The following CYRIA variants were observed in gnomAD, a reference collection of about 807,000 sequenced individuals.
CYRIA encodes CYFIP-related Rac1 interactor A.
In CYRIA, 15 loss-of-function variants were observed where a neutral mutation model predicts 43.9. The ratio of observed to expected loss-of-function variants is 0.34; its 90% CI spans 0.23 to 0.53. CYRIA has a LOEUF of 0.53. Ranked by LOEUF, CYRIA falls within the 20% of genes least tolerant of loss-of-function variation. The pLI, the probability that CYRIA is intolerant of heterozygous loss-of-function variation, is 0.94. For missense variants in CYRIA, 236 were observed against 394.2 expected (o/e 0.60, Z 3.40); for synonymous variants, 117 against 136.0 (o/e 0.86, Z 0.97).
chr2:16,629,296 T>C (rs4832472), intron 1 of CYRIA, among the ~76,000 whole-genome samples: 106,877 of 152,092 alleles, frequency 0.7, 39,069 homozygotes, highest in African/African-American at 0.9. Context: ...TCCTCCCTTT[T>C]CCCCTGACTG....
At chr2:16,632,488 C>T (rs1365413116) in intron 1 of CYRIA, among the ~76,000 whole-genome samples, 1 of 152,132 alleles carries the variant, frequency 6.6e-6, no homozygotes, top group Non-Finnish European at 1.5e-5. Context: ...CTCATGTGAG[C>T]CTCAGAGGCA....
At chr2:16,664,762 A>G (rs1670346208) in intron 1 of CYRIA, among the ~76,000 whole-genome samples, 3 of 152,324 alleles carry the variant, frequency 2.0e-5, no homozygotes, top group Admixed American at 2.0e-4. Flanking sequence ...AGTTTCTAAC[A>G]GGGAGAAAAG....
At chr2:16,623,116 A>G (rs1305490219) in intron 2 of CYRIA, 1 of 152,198 alleles carries the variant, frequency 6.6e-6, no homozygotes, top group Non-Finnish European at 1.5e-5. Flanking sequence ...ATGACTCCTG[A>G]CCATGATTCC....
intron 2 of CYRIA, among the ~76,000 whole-genome samples, chr2:16,593,688 G>T (rs11680283): frequency 0.16 from 18,436 of 116,680 alleles, 1,533 homozygotes; most frequent in African/African-American, 0.23. Flanking sequence ...TTATTTTTTT[G>T]TGTGTGTGTG....
intron 2 of CYRIA, among the ~76,000 whole-genome samples, chr2:16,605,840 G>C (rs1461459881): frequency 1.3e-5 from 2 of 152,152 alleles, no homozygotes; most frequent in Non-Finnish European, 2.9e-5. Context: ...TCTGAGAGCA[G>C]AGCTGTAGGT....
At chr2:16,607,422 C>G (rs1668446707) in intron 2 of CYRIA, among the ~76,000 whole-genome samples, 1 of 152,150 alleles carries the variant, frequency 6.6e-6, no homozygotes, top group South Asian at 2.1e-4. Context: ...GCCTGCTAAG[C>G]TGGCTGTCAA....
chr2:16,552,937 T>C lies in CYRIA; in HGVS notation c.971A>G (p.Ter324TrpextTer11). ...AGATCCTCTTCTTTGAGCAGAGCTC[T>C]ACTGAAGCATTGCTCGAATCTGTTT... ...TSKQIRAMLQ[*>W] Residue 324 changes from the stop codon to tryptophan, a stop_lost, in exon 12 of 12, where the codon TAG (stop) becomes TGG (tryptophan). Coordinates refer to ENST00000381323, the MANE Select transcript of CYRIA (RefSeq NM_030797.4). 1.3e-6 allele frequency: 2 copies of C among 1,593,630 alleles called. No individual in the cohort carries two copies. Among genetic ancestry groups the C allele is most frequent in the African/African-American group, 1.3e-5 (1 of 74,612 alleles).
chr2:16,572,445 A>G (rs1039910570), intron 3 of CYRIA, among the ~76,000 whole-genome samples: 2 of 152,128 alleles, frequency 1.3e-5, no homozygotes, highest in Non-Finnish European at 2.9e-5. Context: ...AGACAAAAAG[A>G]CATCTGATAC....
intron 2 of CYRIA, among the ~76,000 whole-genome samples, chr2:16,619,984 A>C (rs2103504960): frequency 6.6e-6 from 1 of 152,272 alleles, no homozygotes; most frequent in African/African-American, 2.4e-5. Flanking sequence ...CTCTGCATCC[A>C]CATCACTTTG....
At chr2:16,570,263 A>C (rs568700347) in intron 3 of CYRIA, among the ~76,000 whole-genome samples, 240 of 152,156 alleles carry the variant, frequency 1.6e-3, no homozygotes, top group African/African-American at 5.5e-3. Context: ...GTATAGTTAT[A>C]TCTCTCCTGG....
chr2:16,614,479 G>A (rs1668713074), intron 2 of CYRIA, among the ~76,000 whole-genome samples: 1 of 152,186 alleles, frequency 6.6e-6, no homozygotes, highest in Non-Finnish European at 1.5e-5. Flanking sequence ...TGTCGTCGGG[G>A]TTCCCAGGCT....
At chr2:16,664,853 C>T (rs1039915911) in intron 1 of CYRIA, among the ~76,000 whole-genome samples, 3 of 152,120 alleles carry the variant, frequency 2.0e-5, no homozygotes, top group African/African-American at 4.8e-5. Context: ...GGGGAGCAGG[C>T]GGGTAAACAA....
At chr2:16,617,669 C>T (rs1668850862) in intron 2 of CYRIA, among the ~76,000 whole-genome samples, 1 of 152,234 alleles carries the variant, frequency 6.6e-6, no homozygotes, top group East Asian at 1.9e-4. Flanking sequence ...CTGACAGAGG[C>T]CTTGCCTGCT....
intron 1 of CYRIA, among the ~76,000 whole-genome samples, chr2:16,628,228 A>G (rs1669225656): frequency 6.6e-6 from 1 of 152,236 alleles, no homozygotes; most frequent in Non-Finnish European, 1.5e-5. Context: ...CTAGATGTGT[A>G]TATAGATTAT....
intron 9 of CYRIA, chr2:16,560,729 T>C (rs958871057): frequency 1.2e-5 from 6 of 508,022 alleles, no homozygotes; most frequent in African/African-American, 1.2e-4. Context: ...ACAGCATCTG[T>C]GATCTGAGCC....
intron 2 of CYRIA, among the ~76,000 whole-genome samples, chr2:16,593,203 A>G (rs1667989092): frequency 6.6e-6 from 1 of 152,204 alleles, no homozygotes; most frequent in Non-Finnish European, 1.5e-5. Context: ...TGTCCCCAGC[A>G]TCATATGATT....
At chr2:16,660,453 T>A (rs1670220676) in intron 1 of CYRIA, among the ~76,000 whole-genome samples, 1 of 151,960 alleles carries the variant, frequency 6.6e-6, no homozygotes, top group Non-Finnish European at 1.5e-5. Flanking sequence ...AAACAATACT[T>A]CCCTCTTCCC....
intron 2 of CYRIA, among the ~76,000 whole-genome samples, chr2:16,621,201 C>T (rs1668982523): frequency 6.6e-6 from 1 of 152,134 alleles, no homozygotes; most frequent in Non-Finnish European, 1.5e-5. Context: ...ACCCTGAAGG[C>T]GAGAAAGACC....
chr2:16,629,967 G>A (rs1669281117), intron 1 of CYRIA, among the ~76,000 whole-genome samples: 1 of 152,188 alleles, frequency 6.6e-6, no homozygotes, highest in Non-Finnish European at 1.5e-5. Context: ...AAGAAGCCCA[G>A]AGACCAGATA....
Sources: allele counts gnomAD v4.1 joint callset (sites outside exome capture counted in the v4.1 genomes callset), GRCh38; gene constraint gnomAD v4.1.1; transcripts MANE v1.5; gene names NCBI Gene and HGNC (gene_info 2026-07-23, HGNC 2026-07-21).